Variants in HSPG2 observed in about 807,000 individuals in gnomAD.
HSPG2 encodes the protein heparan sulfate proteoglycan 2.
Under a neutral mutation model 526.6 loss-of-function variants are expected in HSPG2, and 278 were observed. The observed-to-expected ratio is 0.53, with a 90% CI of 0.48 to 0.58. HSPG2 has a LOEUF of 0.58. Ranked by LOEUF, HSPG2 falls within the 20% of genes least tolerant of loss-of-function variation. The pLI, the probability that HSPG2 is intolerant of heterozygous loss-of-function variation, is 0.00. For missense variants in HSPG2, 5,354 were observed against 6,099.5 expected, an observed-to-expected ratio of 0.88 and a Z score of 4.07; for synonymous variants, 2,465 against 2,555.4, an observed-to-expected ratio of 0.96 and a Z score of 1.07.
At chr1:21,928,743 T>G (rs923149946) in intron 1 of HSPG2, among the ~76,000 whole-genome samples, 5 of 148,814 alleles carry the variant, frequency 3.4e-5, no homozygotes, top group Admixed American at 1.4e-4. Flanking sequence ...CGCCCATCCT[T>G]TATTCACTTG....
At chr1:21,874,044 G>T in intron 28 of HSPG2, 33 bp from the exon 29 acceptor site, 1 of 1,549,122 alleles carries the variant, frequency 6.5e-7, no homozygotes, top group Admixed American at 1.8e-5. Context: ...AGTCAGGAAC[G>T]CAGTGGCTCC....
rs74062203 is a variant in HSPG2 at position 21,887,878 on chromosome 1, T to C, written c.703+60A>G. 7.4e-3 allele frequency: 11,914 copies of C among 1,609,886 alleles called. 337 individuals are homozygous for C. The African/African-American group carries it at 0.076, about 10-fold the overall frequency. On this transcript the variant is annotated intron_variant, in intron 7 of 96. Coordinates refer to ENST00000374695, the MANE Select transcript of HSPG2 (RefSeq NM_005529.7). This position sits in a 1 kb window ranked among gnomAD's most constrained non-coding sequence, Gnocchi z 5.0. ...TCCTTGATGGGCTCCAAGACCCAGG[T>C]GTAGGACCCTGGCCCTCCCCTGGCA...
rs570775467 is a variant in HSPG2, at chr1:21,858,057, C to T, written c.5294-672G>A. Among the ~76,000 whole-genome samples, 20 of 152,344 alleles carry T rather than the reference C, an allele frequency of 1.3e-4. No homozygotes were observed. Among genetic ancestry groups the T allele is most frequent in the Admixed American group, 1.2e-3 (19 of 15,306 alleles). The stretch of plus-strand genomic sequence containing the variant: ...ATTTCCGAAAACTCCCCCTTGACCT[C>T]ATGCTCTCGCAGTCAATGACCCACT... On this transcript the variant is annotated intron_variant, in intron 42 of 96. Coordinates refer to ENST00000374695, the MANE Select transcript of HSPG2 (RefSeq NM_005529.7). This position sits in a 1 kb window ranked among gnomAD's most constrained non-coding sequence, Gnocchi z 4.2.
At chr1:21,830,169 C>G in intron 85 of HSPG2, 78 bp from the exon 86 acceptor site, 1 of 1,175,512 alleles carries the variant, frequency 8.5e-7, no homozygotes, top group Non-Finnish European at 1.2e-6. Flanking sequence ...GAGGTCTGCC[C>G]ATCACACCCC....
chr1:21,868,834 G>T, intron 33 of HSPG2: 1 of 590,770 alleles, frequency 1.7e-6, no homozygotes, highest in Middle Eastern at 8.4e-4. Context: ...AGGGCCCTCT[G>T]ATATTTTGGG....
intron 85 of HSPG2, chr1:21,830,467 A>G: frequency 3.1e-6 from 1 of 322,604 alleles, no homozygotes; most frequent in Non-Finnish European, 6.0e-6. Context: ...TGGGTGGATC[A>G]CCTGAGGTCA....
chr1:21,844,404 T>C, intron 64 of HSPG2, 105 bp from the exon 65 acceptor site: 2 of 1,263,306 alleles, frequency 1.6e-6, no homozygotes, highest in Non-Finnish European at 2.2e-6. Context: ...GGGACATGGC[T>C]TCTTTCCCTT....
rs1572235446 is a variant in HSPG2, at chr1:21,854,178, C to T, written c.6439+15G>A. 1 of 1,567,782 alleles carries T rather than the reference C, an allele frequency of 6.4e-7. No homozygotes were observed. Among genetic ancestry groups the T allele is most frequent in the African/African-American group, 1.4e-5 (1 of 74,050 alleles). On this transcript the variant is annotated intron_variant, in intron 50 of 96. Coordinates refer to ENST00000374695, the MANE Select transcript of HSPG2 (RefSeq NM_005529.7). ...CTAGGGCTCAGCCCCGGCCCAGCCACACCTGGCTCCTCACCTGGGGTGTAG... is the reference window on the plus strand; with the variant it reads ...CTAGGGCTCAGCCCCGGCCCAGCCATACCTGGCTCCTCACCTGGGGTGTAG...
chr1:21,829,028 C>T lies in HSPG2; in HGVS notation c.12044G>A (p.Arg4015His), dbSNP rs150189852. The T allele has an allele frequency of 1.4e-4, 212 of 1,551,500 alleles. 3 individuals carry two copies. The South Asian group carries it at 2.2e-3, about 16-fold the overall frequency. The change falls in exon 88 of 97, where the codon CGT becomes CAT. Residue 4015 changes from arginine (R) to histidine (H), a missense_variant. Arg to His is a conservative substitution (Grantham distance 29, BLOSUM62 0). Coordinates refer to ENST00000374695, the MANE Select transcript of HSPG2 (RefSeq NM_005529.7). Reference sequence around the variant, plus strand: ...CTTGTTGAGACGCTCTGCAGACACACGGTGCCAGCGGCCCAGGGCCAGCGG... The same window carrying T: ...CTTGTTGAGACGCTCTGCAGACACATGGTGCCAGCGGCCCAGGGCCAGCGG... ...AEPLALGRWH[R>H]VSAERLNKDG...
chr1:21,928,898 G>A (rs1012401176), intron 1 of HSPG2, among the ~76,000 whole-genome samples: 5 of 152,064 alleles, frequency 3.3e-5, no homozygotes, highest in African/African-American at 9.7e-5. Flanking sequence ...TTACAGGCAT[G>A]TGCCACCATG....
At chr1:21,829,625 C>T (rs909133384) in intron 86 of HSPG2, 21 bp from the exon 87 acceptor site, 3 of 1,592,698 alleles carry the variant, frequency 1.9e-6, no homozygotes, top group Non-Finnish European at 1.7e-6. Context: ...CACAGCTCAG[C>T]TGAGGCAGTG....
At chr1:21,844,645 C>T (rs991431139) in intron 64 of HSPG2, among the ~76,000 whole-genome samples, 1 of 152,236 alleles carries the variant, frequency 6.6e-6, no homozygotes, top group Non-Finnish European at 1.5e-5. Flanking sequence ...TGGGGCCAGA[C>T]TGCCTGGGTT....
In HSPG2 at chr1:21,848,859, C is replaced by T; in HGVS notation, c.7585+34G>A. ...GAGGGTGCAGTCGGGGTCCCCCAGCCCTCCACCATTTGCATGACCCCCGAG... is the reference window on the plus strand; with the variant it reads ...GAGGGTGCAGTCGGGGTCCCCCAGCTCTCCACCATTTGCATGACCCCCGAG... On this transcript the variant is annotated intron_variant, in intron 58 of 96. Transcript: ENST00000374695. This position sits in a 1 kb window ranked among gnomAD's most constrained non-coding sequence, Gnocchi z 4.9. 6.2e-7 allele frequency: 1 copy of T among 1,611,126 alleles called. No individual in the cohort carries two copies. The highest frequency in any genetic ancestry group is 8.5e-7 in the Non-Finnish European group (1 of 1,179,148).
chr1:21,890,748 CT>C lies in HSPG2; in HGVS notation c.245-55del. 1 of 1,376,066 alleles carries C rather than the reference CT, an allele frequency of 7.3e-7. No homozygotes were observed. The highest frequency in any genetic ancestry group is 1.0e-6 in the Non-Finnish European group (1 of 971,476). 85.2% of individuals were successfully genotyped at this position (1,376,066 alleles called of 1,614,324 possible). On this transcript the variant is annotated intron_variant, in intron 3 of 96. Coordinates refer to ENST00000374695, the MANE Select transcript of HSPG2 (RefSeq NM_005529.7). The surrounding 1 kb of genome is among the most constrained non-coding windows in gnomAD (Gnocchi z 4.1). ...GAGCCCCAGCCTGGCATCTAGTGGC[CT>C]TAGGCAGTTGGACCATTCAGGCAGA...
intron 1 of HSPG2, among the ~76,000 whole-genome samples, chr1:21,926,050 G>A (rs371714244): frequency 2.0e-5 from 3 of 151,884 alleles, no homozygotes; most frequent in Non-Finnish European, 2.9e-5. Context: ...GGCTGCTCTC[G>A]AACTCCTAGC....
chr1:21,917,554 C>G (rs1311949032), intron 1 of HSPG2, among the ~76,000 whole-genome samples: 1 of 152,198 alleles, frequency 6.6e-6, no homozygotes, highest in Non-Finnish European at 1.5e-5. Flanking sequence ...TTTAAGAACA[C>G]TGAGAATCTT....
At chr1:21,832,317 C>G (rs1276948015) in intron 81 of HSPG2, among the ~76,000 whole-genome samples, 178 bp downstream of exon 81, 1 of 152,206 alleles carries the variant, frequency 6.6e-6, no homozygotes, top group Non-Finnish European at 1.5e-5. Context: ...AGGTTGCACC[C>G]TCCTCCACCT....
rs572442894 is a variant in HSPG2 at position 21,823,346 on chromosome 1, G to A, written c.13146C>T (p.Ala4382=). ...AGGGGCAGGGGCGTGTGTTGGCCCC[G>A]GCCTGGGCGCGGTGCTGCAGGTCCA... ...QPLDLQHRAQ[A]GANTRPCPS The change falls in exon 97 of 97, where the codon GCC becomes GCT. Residue 4382 remains alanine (A), a synonymous_variant. Coordinates refer to ENST00000374695, the MANE Select transcript of HSPG2 (RefSeq NM_005529.7). 1.2e-4 allele frequency: 187 copies of A among 1,543,444 alleles called. 2 individuals are homozygous for A. The South Asian group carries it at 1.8e-3, about 15-fold the overall frequency.
Position 21,839,667 on chromosome 1 carries a change from G to A in HSPG2, c.9710-117C>T. 7.1e-7 allele frequency: 1 copy of A among 1,401,078 alleles called. No homozygotes were observed. The highest frequency in any genetic ancestry group is 9.9e-7 in the Non-Finnish European group (1 of 1,013,120). The allele number at this position is 1,401,078 out of a possible 1,614,324, so 86.8% of individuals were successfully genotyped here. On this transcript the variant is annotated intron_variant, in intron 72 of 96. Transcript: ENST00000374695. This position sits in a 1 kb window ranked among gnomAD's most constrained non-coding sequence, Gnocchi z 4.5. Reference sequence around the variant, plus strand: ...CTGTCCCTCTATGGGGACCCCAGTTGGGTTCCTCGGCCATCACTGGGGGAT... The same window carrying A: ...CTGTCCCTCTATGGGGACCCCAGTTAGGTTCCTCGGCCATCACTGGGGGAT...
Sources: allele counts gnomAD v4.1 joint callset (sites outside exome capture counted in the v4.1 genomes callset), GRCh38; gene constraint gnomAD v4.1.1; non-coding constraint Gnocchi (gnomAD v3.1); transcripts MANE v1.5; gene names NCBI Gene and HGNC (gene_info 2026-07-23, HGNC 2026-07-21).